SHROOM3: variants seen among roughly 807,000 people sequenced by gnomAD.
SHROOM3 encodes protein Shroom3.
SHROOM3 carries 47 observed loss-of-function variants against 138.6 expected under a neutral mutation model. The ratio of observed to expected loss-of-function variants is 0.34; its 90% CI spans 0.27 to 0.43. The LOEUF (loss-of-function observed/expected upper bound fraction) is 0.43. Among genes scored for constraint, SHROOM3 ranks in the 20% least tolerant of loss-of-function variants. The pLI, the probability that SHROOM3 is intolerant of heterozygous loss-of-function variation, is 1.00. For missense variants in SHROOM3, 2,491 were observed against 2,596.5 expected, an observed-to-expected ratio of 0.96 and a Z score of 0.88; for synonymous variants, 1,062 against 1,063.3, an observed-to-expected ratio of 1.00 and a Z score of 0.02.
intron 2 of SHROOM3, among the ~76,000 whole-genome samples, chr4:76,673,900 T>A (rs1718953788): frequency 6.6e-6 from 1 of 152,186 alleles, no homozygotes; most frequent in Admixed American, 6.5e-5. Context: ...TGAGACAGGG[T>A]TTCACTTTGT....
chr4:76,489,415 C>T (rs11945577), intron 1 of SHROOM3, among the ~76,000 whole-genome samples: 51 of 152,292 alleles, frequency 3.3e-4, no homozygotes, highest in African/African-American at 1.1e-3. Context: ...TGTTTAATCC[C>T]TGGCATGACC....
At chr4:76,527,143 T>G (rs1416024460) in intron 1 of SHROOM3, among the ~76,000 whole-genome samples, 1 of 152,174 alleles carries the variant, frequency 6.6e-6, no homozygotes, top group East Asian at 1.9e-4. Flanking sequence ...AGATCCATTA[T>G]GTAGAGGTCA....
intron 1 of SHROOM3, among the ~76,000 whole-genome samples, chr4:76,469,059 G>A (rs181335054): frequency 3.3e-5 from 5 of 150,812 alleles, no homozygotes; most frequent in Admixed American, 6.6e-5. Flanking sequence ...AAAATTAGCC[G>A]GACATGGTGG....
chr4:76,501,116 C>A (rs1362971062), intron 1 of SHROOM3, among the ~76,000 whole-genome samples: 1 of 152,132 alleles, frequency 6.6e-6, no homozygotes, highest in Admixed American at 6.5e-5. Flanking sequence ...CTGTGCATGG[C>A]CTTTTTGCCC....
chr4:76,741,394 C>G lies in SHROOM3; in HGVS notation c.3221C>G (p.Ser1074Trp), dbSNP rs759608096. The change falls in exon 5 of 11, where the codon TCG becomes TGG. Residue 1074 changes from serine (S) to tryptophan (W), a missense_variant. Transcript: ENST00000296043. The surrounding 1 kb of genome is among the most constrained non-coding windows in gnomAD (Gnocchi z 6.2). ...DGKACSTLSL[S>W]GPELKQFQQS... ...AAGGCCTGCTCCACGCTCAGCCTGT[C>G]GGGGCCCGAGCTGAAGCAGTTCCAG... The G allele has an allele frequency of 6.2e-7, 1 of 1,601,114 alleles. No individual in the cohort carries two copies. Among genetic ancestry groups the G allele is most frequent in the African/African-American group, 1.3e-5 (1 of 74,848 alleles).
intron 2 of SHROOM3, chr4:76,689,808 C>T (rs2110107284): frequency 2.1e-6 from 2 of 951,388 alleles, no homozygotes; most frequent in Non-Finnish European, 2.5e-6. Context: ...AAAGCCCTGT[C>T]TGGAGGATGG....
intron 2 of SHROOM3, among the ~76,000 whole-genome samples, chr4:76,632,503 G>T (rs1283388484): frequency 6.6e-6 from 1 of 152,176 alleles, no homozygotes; most frequent in African/African-American, 2.4e-5. Flanking sequence ...AGGGGTCCAT[G>T]ACATAAACAC....
At chr4:76,565,170 A>AAG (rs1733697485) in intron 2 of SHROOM3, among the ~76,000 whole-genome samples, 1 of 151,536 alleles carries the variant, frequency 6.6e-6, no homozygotes, top group Admixed American at 6.6e-5. Flanking sequence ...CAAAAAAAAA[A>AAG]AAAAAAAAAA....
intron 2 of SHROOM3, chr4:76,688,963 T>G (rs1387806711): frequency 2.4e-6 from 1 of 421,040 alleles, no homozygotes; most frequent in African/African-American, 3.1e-5. Flanking sequence ...AATGCGAGCT[T>G]TTTTTTTTTT....
intron 2 of SHROOM3, among the ~76,000 whole-genome samples, chr4:76,603,929 G>A (rs1306467330): frequency 7.1e-6 from 1 of 141,258 alleles, no homozygotes; most frequent in East Asian, 2.1e-4. Context: ...TGCAACCTCT[G>A]CCCCCCTGGT....
chr4:76,529,250 G>T (rs1418166639), intron 1 of SHROOM3, among the ~76,000 whole-genome samples: 1 of 152,116 alleles, frequency 6.6e-6, no homozygotes, highest in Admixed American at 6.5e-5. Context: ...CTGCCCTGTG[G>T]CCATTGCTAC....
chr4:76,458,304 A>G lies in SHROOM3; in HGVS notation c.168+22084A>G, dbSNP rs145797609. ...TATTTTTGACAAAATTTGGGAGAAT[A>G]TGTATATAAAAGTATTAAAACTGAT... On this transcript the variant is annotated intron_variant, in intron 1 of 10. Transcript: ENST00000296043. Among the ~76,000 whole-genome samples the G allele has an allele frequency of 4.4e-3, 668 of 152,324 alleles. 4 individuals carry two copies. The highest frequency in any genetic ancestry group is 0.015 in the African/African-American group (642 of 41,572).
chr4:76,475,993 T>C (rs1731478103), intron 1 of SHROOM3, among the ~76,000 whole-genome samples: 2 of 152,244 alleles, frequency 1.3e-5, no homozygotes. Context: ...TTAAAAAAAT[T>C]CTGTTCTAGA....
chr4:76,484,957 C>T (rs1433245989), intron 1 of SHROOM3, among the ~76,000 whole-genome samples: 1 of 152,186 alleles, frequency 6.6e-6, no homozygotes, highest in Non-Finnish European at 1.5e-5. Flanking sequence ...CAAAATATAA[C>T]CACCCACAGT....
chr4:76,686,013 CATT>C (rs1225956449), intron 2 of SHROOM3, among the ~76,000 whole-genome samples: 20 of 151,540 alleles, frequency 1.3e-4, no homozygotes, highest in African/African-American at 4.1e-4. Flanking sequence ...TAATGATAGC[CATT>C]TTTTTTTTAG....
intron 10 of SHROOM3, 133 bp from the exon 11 acceptor site, chr4:76,778,676 C>T: frequency 8.3e-7 from 1 of 1,211,882 alleles, no homozygotes; most frequent in Non-Finnish European, 1.2e-6. Flanking sequence ...AAAAGTTAGC[C>T]TCCTTACTTA....
chr4:76,731,795 C>A lies in SHROOM3; in HGVS notation c.587+860C>A, dbSNP rs200691963. On this transcript the variant is annotated intron_variant, in intron 4 of 10. Coordinates refer to ENST00000296043, the MANE Select transcript of SHROOM3 (RefSeq NM_020859.4). ...GACTTCATCTCAAAAAAAAAACAAA[C>A]AAACAAACAAACAGAAATTTAAGCT... Among the ~76,000 whole-genome samples the A allele has an allele frequency of 5.0e-3, 486 of 96,810 alleles. 6 individuals carry two copies. Among genetic ancestry groups the A allele is most frequent in the African/African-American group, 7.5e-3 (179 of 23,712 alleles). 63.5% of individuals were successfully genotyped at this position (96,810 alleles called of 152,430 possible).
chr4:76,588,555 T>C (rs1230939332), intron 2 of SHROOM3, among the ~76,000 whole-genome samples: 2 of 152,020 alleles, frequency 1.3e-5, no homozygotes, highest in Non-Finnish European at 2.9e-5. Flanking sequence ...AAATGGAAGG[T>C]TGCAAACATC....
chr4:76,633,334 A>G (rs1276314893), intron 2 of SHROOM3, among the ~76,000 whole-genome samples: 1 of 60,462 alleles, frequency 1.7e-5, no homozygotes, highest in Admixed American at 1.5e-4. Context: ...CTCAGTCTCA[A>G]AAAAAAAAAA....
Sources: gnomAD v4.1 joint callset for allele counts (sites outside exome capture counted in the v4.1 genomes callset) on GRCh38, gnomAD v4.1.1 for gene constraint, Gnocchi (gnomAD v3.1) non-coding constraint, MANE v1.5 for transcripts, NCBI Gene and HGNC (gene_info 2026-07-23, HGNC 2026-07-21) for gene names.